The following CCBE1 variants were observed in gnomAD, a reference collection of about 807,000 sequenced individuals.
The protein encoded by CCBE1 is collagen and calcium binding EGF domains 1, also known as collagen and calcium-binding EGF domain-containing protein 1.
A neutral mutation model predicts 50.0 loss-of-function variants in CCBE1; 37 were observed. The observed-to-expected ratio is 0.74, with a 90% CI of 0.57 to 0.97. The LOEUF is 0.97. CCBE1 is among the 50% of genes least tolerant of loss of function. The pLI is 0.00. For synonymous variants in CCBE1, 234 were observed against 203.7 expected (o/e 1.15, Z -1.27); for missense variants, 538 against 523.8 (o/e 1.03, Z -0.26).
chr18:59,484,319 T>C (rs1912713380), intron 2 of CCBE1, among the ~76,000 whole-genome samples: 1 of 152,244 alleles, frequency 6.6e-6, no homozygotes, highest in Non-Finnish European at 1.5e-5. Context: ...CCCACGTGTT[T>C]TTGATACTCA....
chr18:59,547,720 C>T (rs546114191), intron 2 of CCBE1, among the ~76,000 whole-genome samples: 8 of 152,228 alleles, frequency 5.3e-5, no homozygotes, highest in East Asian at 3.9e-4. Context: ...ATGAAATGGT[C>T]GAGACAAAGG....
rs1387291874 is a variant in CCBE1 at position 59,435,513 on chromosome 18, C to T, written c.*395G>A. The T allele has an allele frequency of 3.4e-6, 1 of 296,716 alleles. No individual in the cohort carries two copies. The highest frequency in any genetic ancestry group is 6.5e-6 in the Non-Finnish European group (1 of 154,340). 18.4% of individuals were successfully genotyped at this position (296,716 alleles called of 1,614,324 possible). A position where few individuals can be genotyped will look rare whatever the true frequency, so the allele number is the denominator to read the frequency against. On this transcript the variant is annotated 3_prime_UTR_variant, in exon 11 of 11. Coordinates refer to ENST00000439986, the MANE Select transcript of CCBE1 (RefSeq NM_133459.4). ...TGAACACACATCTTAGAAGTAGCCT[C>T]ACATTTTCTTAGAGCTCACTTTGTC...
At chr18:59,538,450 A>G (rs1365884896) in intron 2 of CCBE1, among the ~76,000 whole-genome samples, 1 of 152,224 alleles carries the variant, frequency 6.6e-6, no homozygotes, top group Non-Finnish European at 1.5e-5. Flanking sequence ...CAATCAGCTG[A>G]TGTCTCCCAA....
intron 2 of CCBE1, among the ~76,000 whole-genome samples, chr18:59,641,476 C>A (rs1864310): frequency 0.45 from 68,651 of 151,824 alleles, 17,179 homozygotes; most frequent in Non-Finnish European, 0.56. Flanking sequence ...GGGTGAGGAC[C>A]GAAACACTAC....
chr18:59,458,839 A>G (rs1167812995), intron 5 of CCBE1, among the ~76,000 whole-genome samples: 1 of 152,236 alleles, frequency 6.6e-6, no homozygotes, highest in Admixed American at 6.5e-5. Context: ...TGGAACTGTC[A>G]GAACACAGTG....
rs75182205 is a variant in CCBE1, at chr18:59,643,860, G to A, written c.212+52769C>T. Among the ~76,000 whole-genome samples, 408 of 152,156 alleles carry A rather than the reference G, an allele frequency of 2.7e-3. 9 individuals are homozygous for A. The East Asian group carries it at 0.037, about 14-fold the overall frequency. On this transcript the variant is annotated intron_variant, in intron 2 of 10. Transcript: ENST00000439986. ...GGTGGGGTGAGGTTGAACAGGTTTC[G>A]AAACTGCAGTCTTCTTCAGAACCTT...
chr18:59,457,276 C>T (rs947280415), intron 5 of CCBE1, among the ~76,000 whole-genome samples: 4 of 152,170 alleles, frequency 2.6e-5, no homozygotes, highest in African/African-American at 4.8e-5. Flanking sequence ...TGTGTGATAA[C>T]GAGCTGAGCA....
chr18:59,680,413 C>T (rs1165551631), intron 2 of CCBE1, among the ~76,000 whole-genome samples: 4 of 151,626 alleles, frequency 2.6e-5, no homozygotes, highest in Non-Finnish European at 4.4e-5. Flanking sequence ...GTAAAGAACA[C>T]CTAAAGGCCA....
chr18:59,678,480 AGACT>A (rs770493644), intron 2 of CCBE1, among the ~76,000 whole-genome samples: 15 of 152,364 alleles, frequency 9.8e-5, no homozygotes, highest in Admixed American at 3.9e-4. Context: ...AAGAACAGAC[AGACT>A]ATGACTAGAT....
intron 2 of CCBE1, among the ~76,000 whole-genome samples, chr18:59,519,638 G>A (rs1914515437): frequency 6.6e-6 from 1 of 152,210 alleles, no homozygotes; most frequent in Non-Finnish European, 1.5e-5. Flanking sequence ...TCACTCTGAT[G>A]ATAGTTTCTT....
chr18:59,507,713 T>A (rs192578741), intron 2 of CCBE1, among the ~76,000 whole-genome samples: 4 of 152,296 alleles, frequency 2.6e-5, no homozygotes. Context: ...TGAAACCAAA[T>A]GAACTGAAAG....
intron 3 of CCBE1, among the ~76,000 whole-genome samples, chr18:59,473,088 C>G (rs993021535): frequency 5.3e-5 from 8 of 152,166 alleles, no homozygotes; most frequent in Non-Finnish European, 8.8e-5. Flanking sequence ...AACCATATAT[C>G]CATGTCTTTC....
At chr18:59,490,279 C>T (rs555065292) in intron 2 of CCBE1, among the ~76,000 whole-genome samples, 29 of 152,148 alleles carry the variant, frequency 1.9e-4, no homozygotes, top group African/African-American at 6.7e-4. Flanking sequence ...GCCACCACAC[C>T]CAGCCGAGAT....
At chr18:59,657,185 A>G (rs1457282361) in intron 2 of CCBE1, among the ~76,000 whole-genome samples, 1 of 152,206 alleles carries the variant, frequency 6.6e-6, no homozygotes, top group Non-Finnish European at 1.5e-5. Flanking sequence ...AGATTTACTC[A>G]TGCTACCTAG....
intron 3 of CCBE1, among the ~76,000 whole-genome samples, chr18:59,471,187 A>T (rs1056463749): frequency 6.6e-6 from 1 of 152,202 alleles, no homozygotes; most frequent in Non-Finnish European, 1.5e-5. Flanking sequence ...TGAGTTGATC[A>T]TGGTGCCTAA....
chr18:59,649,923 G>A (rs1269773438), intron 2 of CCBE1, among the ~76,000 whole-genome samples: 2 of 152,156 alleles, frequency 1.3e-5, no homozygotes, highest in African/African-American at 2.4e-5. Context: ...AATGACCATG[G>A]AAGAGCATCT....
At chr18:59,456,269 G>A (rs1446842285) in intron 5 of CCBE1, among the ~76,000 whole-genome samples, 4 of 152,192 alleles carry the variant, frequency 2.6e-5, no homozygotes, top group African/African-American at 4.8e-5. Flanking sequence ...AAAATCTTTG[G>A]GAAATGGATC....
intron 2 of CCBE1, among the ~76,000 whole-genome samples, chr18:59,589,924 A>G (rs1211880363): frequency 6.6e-6 from 1 of 152,190 alleles, no homozygotes; most frequent in African/African-American, 2.4e-5. Context: ...ATTAGGAAAG[A>G]GAACCATAAG....
intron 2 of CCBE1, among the ~76,000 whole-genome samples, chr18:59,695,632 A>G (rs542646750): frequency 1.4e-4 from 21 of 152,240 alleles, no homozygotes; most frequent in Non-Finnish European, 2.5e-4. Flanking sequence ...TCTCACCTGC[A>G]AGAAACGCTA....
Sources: allele counts gnomAD v4.1 joint callset (sites outside exome capture counted in the v4.1 genomes callset), GRCh38; gene constraint gnomAD v4.1.1; transcripts MANE v1.5; gene names NCBI Gene and HGNC (gene_info 2026-07-23, HGNC 2026-07-21).